The following KDM7A variants were observed in gnomAD, a reference collection of about 807,000 sequenced individuals.
KDM7A encodes the protein lysine-specific demethylase 7A.
A neutral mutation model predicts 114.8 loss-of-function variants in KDM7A; 28 were observed. The ratio of observed to expected loss-of-function variants is 0.24; its 90% CI spans 0.18 to 0.33. The LOEUF is 0.33. Among genes scored for constraint, KDM7A ranks in the 10% least tolerant of loss-of-function variants. KDM7A has a pLI of 1.00. For synonymous variants in KDM7A, 423 were observed against 397.8 expected (o/e 1.06, Z -0.75); for missense variants, 942 against 1,142.5 (o/e 0.82, Z 2.53).
At chr7:140,155,014 A>G (rs1794443054) in intron 1 of KDM7A, among the ~76,000 whole-genome samples, 1 of 152,236 alleles carries the variant, frequency 6.6e-6, no homozygotes, top group Non-Finnish European at 1.5e-5. Flanking sequence ...AAATGGTGAC[A>G]GCATTACCAA....
intron 9 of KDM7A, among the ~76,000 whole-genome samples, chr7:140,115,030 G>C (rs1053519033): frequency 1.3e-5 from 2 of 151,776 alleles, no homozygotes; most frequent in Non-Finnish European, 2.9e-5. Flanking sequence ...GCCCCGTCCA[G>C]GAGGTTGGGG....
chr7:140,115,319 G>C (rs971842980), intron 9 of KDM7A, among the ~76,000 whole-genome samples: 2 of 152,270 alleles, frequency 1.3e-5, no homozygotes, highest in African/African-American at 2.4e-5. Flanking sequence ...TTGAGATCGG[G>C]CCATGATGAC....
intron 19 of KDM7A, 136 bp downstream of exon 19, chr7:140,091,668 G>T: frequency 1.1e-6 from 1 of 946,972 alleles, no homozygotes; most frequent in Non-Finnish European, 1.6e-6. Flanking sequence ...AGTAGCCTGT[G>T]TATACTGCCA....
chr7:140,122,119 G>A (rs922130132), intron 7 of KDM7A, among the ~76,000 whole-genome samples: 3 of 152,202 alleles, frequency 2.0e-5, no homozygotes, highest in Non-Finnish European at 4.4e-5. Context: ...ATTCCAGGAA[G>A]TATCAGTACC....
chr7:140,090,465 A>G lies in KDM7A; in HGVS notation c.*629T>C, dbSNP rs1234404235. ...GCAAAAGCGAAGCTAATAGCTTATA[A>G]AAAACACATGAAATATATAAAATAA... On this transcript the variant is annotated 3_prime_UTR_variant, in exon 20 of 20. Transcript: ENST00000397560. 1 of 152,226 alleles carries G rather than the reference A, an allele frequency of 6.6e-6. No homozygotes were observed. The highest frequency in any genetic ancestry group is 1.5e-5 in the Non-Finnish European group (1 of 68,048). 9.4% of individuals were successfully genotyped at this position (152,226 alleles called of 1,614,324 possible).
At position 140,099,937 on chromosome 7, in the gene KDM7A, A is replaced by G. The variant is rs201687015; in HGVS notation, c.1725T>C (p.Asn575=). 5.6e-4 allele frequency: 909 copies of G among 1,611,914 alleles called. 2 individuals carry two copies. Among genetic ancestry groups the G allele is most frequent in the South Asian group, 6.7e-4 (61 of 91,054 alleles). ...CATTTGTCAGCAGTAATCGTAGATC[A>G]TTATCTTTCGCTCTCCATTCAGGTA... The part of the protein sequence containing the change: ...STVPEWRAKD[N]DLRLLLTNGR... The change falls in exon 13 of 20, where the codon AAT becomes AAC. Residue 575 remains asparagine, a synonymous_variant. Coordinates refer to ENST00000397560, the MANE Select transcript of KDM7A (RefSeq NM_030647.2).
At chr7:140,122,868 T>C (rs1818637657) in intron 7 of KDM7A, among the ~76,000 whole-genome samples, 1 of 152,204 alleles carries the variant, frequency 6.6e-6, no homozygotes, top group African/African-American at 2.4e-5. Context: ...TAGTTAAGAC[T>C]ATCAAAATTA....
chr7:140,103,646 C>CA (rs1554395817), intron 11 of KDM7A, among the ~76,000 whole-genome samples: 1 of 152,066 alleles, frequency 6.6e-6, no homozygotes, highest in African/African-American at 2.4e-5. Flanking sequence ...TGAACTCATC[C>CA]TTTTTTTGGC....
chr7:140,125,573 T>C (rs1262454505), intron 6 of KDM7A, among the ~76,000 whole-genome samples: 1 of 152,210 alleles, frequency 6.6e-6, no homozygotes, highest in African/African-American at 2.4e-5. Flanking sequence ...TGGTCTTTTG[T>C]TTTGTTTTTT....
intron 1 of KDM7A, among the ~76,000 whole-genome samples, chr7:140,151,778 GAAAT>G (rs1248865105): frequency 6.6e-6 from 1 of 152,108 alleles, no homozygotes; most frequent in Non-Finnish European, 1.5e-5. Context: ...GATTATAAAT[GAAAT>G]AAATAGGATC....
rs2116723675 is a variant in KDM7A, at chr7:140,085,980, TC to T, written c.*5113del. ...TTTATGCCTGCAAAGTATTATATAT[TC>T]CAGCACTTATGATCATTGTTTTGGT... is the stretch of plus-strand genomic sequence containing the variant. On this transcript the variant is annotated 3_prime_UTR_variant, in exon 20 of 20. Coordinates refer to ENST00000397560, the MANE Select transcript of KDM7A (RefSeq NM_030647.2). The T allele has an allele frequency of 6.6e-6, 1 of 152,342 alleles. No homozygotes were observed. The highest frequency in any genetic ancestry group is 1.9e-4 in the East Asian group (1 of 5,192). 9.4% of individuals were successfully genotyped at this position (152,342 alleles called of 1,614,324 possible).
Position 140,088,551 on chromosome 7 carries a change from C to A in KDM7A, c.*2543G>T. 2.5e-6 allele frequency: 1 copy of A among 398,284 alleles called. No homozygotes were observed. Among genetic ancestry groups the A allele is most frequent in the South Asian group, 1.3e-4 (1 of 7,840 alleles). The allele number at this position is 398,284 out of a possible 1,614,324, so 24.7% of individuals were successfully genotyped here. A position where few individuals can be genotyped will look rare whatever the true frequency, so the allele number is the denominator to read the frequency against. ...TACTCGCAGCAGCTACCACAAAGTTCAGCCATTTCCATGAGATAAAGGGAT... is the reference window on the plus strand; with the variant it reads ...TACTCGCAGCAGCTACCACAAAGTTAAGCCATTTCCATGAGATAAAGGGAT... On this transcript the variant is annotated 3_prime_UTR_variant, in exon 20 of 20. Transcript: ENST00000397560.
chr7:140,123,545 G>A (rs576208338), intron 7 of KDM7A, among the ~76,000 whole-genome samples: 1 of 152,196 alleles, frequency 6.6e-6, no homozygotes, highest in South Asian at 2.1e-4. Flanking sequence ...TTGGATCTTG[G>A]AATATTTGCA....
At chr7:140,155,823 A>T (rs1794452117) in intron 1 of KDM7A, among the ~76,000 whole-genome samples, 1 of 152,184 alleles carries the variant, frequency 6.6e-6, no homozygotes, top group Non-Finnish European at 1.5e-5. Flanking sequence ...TTTTAGAAGG[A>T]TTTTGACAGA....
At chr7:140,139,459 C>T (rs544745992) in intron 1 of KDM7A, among the ~76,000 whole-genome samples, 6 of 152,138 alleles carry the variant, frequency 3.9e-5, no homozygotes, top group African/African-American at 1.4e-4. Flanking sequence ...CCATAAAATC[C>T]TCAACCATTA....
In KDM7A at chr7:140,176,839, C is replaced by T; in HGVS notation, c.99G>A (p.Pro33=). 2 of 1,329,600 alleles carry T rather than the reference C, an allele frequency of 1.5e-6. No individual in the cohort carries two copies. Among genetic ancestry groups the T allele is most frequent in the Non-Finnish European group, 9.8e-7 (1 of 1,020,298 alleles). The allele number at this position is 1,329,600 out of a possible 1,614,324, so 82.4% of individuals were successfully genotyped here. ...ACACACAGTACACGGGCGGGGGCGG[C>T]GGAGGCGCCGAGGCCCGGCCGGGAG... The part of the protein sequence containing the change: ...VAAPGRASAP[P]PPPPVYCVCR... Residue 33 remains proline (P), a synonymous_variant, in exon 1 of 20, where the codon CCG becomes CCA. Transcript: ENST00000397560. The surrounding 1 kb of genome is among the most constrained non-coding windows in gnomAD (Gnocchi z 4.4).
At chr7:140,108,921 A>G (rs1183100653) in intron 11 of KDM7A, among the ~76,000 whole-genome samples, 2 of 152,142 alleles carry the variant, frequency 1.3e-5, no homozygotes, top group Non-Finnish European at 2.9e-5. Flanking sequence ...GGCTCCACCC[A>G]GTTTGAGCTT....
intron 1 of KDM7A, among the ~76,000 whole-genome samples, chr7:140,172,017 C>G (rs1236128230): frequency 6.6e-6 from 1 of 152,134 alleles, no homozygotes; most frequent in East Asian, 1.9e-4. Flanking sequence ...GACTTATCTA[C>G]AGATTAACAG....
At position 140,176,836 on chromosome 7, in the gene KDM7A, C is replaced by A; in HGVS notation, c.102G>T (p.Pro34=). The A allele has an allele frequency of 2.2e-6, 3 of 1,333,402 alleles. No homozygotes were observed. The highest frequency in any genetic ancestry group is 3.5e-5 in the East Asian group (1 of 28,596). 82.6% of individuals were successfully genotyped at this position (1,333,402 alleles called of 1,614,324 possible). Residue 34 remains proline (P), a synonymous_variant, in exon 1 of 20, where the codon CCG becomes CCT. Transcript: ENST00000397560. This position sits in a 1 kb window ranked among gnomAD's most constrained non-coding sequence, Gnocchi z 4.4. ...GGCACACACAGTACACGGGCGGGGG[C>A]GGCGGAGGCGCCGAGGCCCGGCCGG... ...AAPGRASAPP[P]PPPVYCVCRQ... is the part of the protein sequence containing the mutation.
Sources: allele counts gnomAD v4.1 joint callset (sites outside exome capture counted in the v4.1 genomes callset), GRCh38; gene constraint gnomAD v4.1.1; non-coding constraint Gnocchi (gnomAD v3.1); transcripts MANE v1.5; gene names NCBI Gene and HGNC (gene_info 2026-07-23, HGNC 2026-07-21).